The following EPHA5 variants were observed in gnomAD, a reference collection of about 807,000 sequenced individuals.
EPHA5 encodes the protein ephrin type-A receptor 5.
Under a neutral mutation model 105.0 loss-of-function variants are expected in EPHA5, and 60 were observed. The ratio of observed to expected loss-of-function variants is 0.57; its 90% CI spans 0.46 to 0.71. The LOEUF is 0.71. Ranked by LOEUF, EPHA5 falls within the 30% of genes least tolerant of loss-of-function variation. The pLI, the probability that EPHA5 is intolerant of heterozygous loss-of-function variation, is 0.00. For missense variants in EPHA5, 1,218 were observed against 1,274.7 expected (o/e 0.96, Z 0.68); for synonymous variants, 513 against 449.1 (o/e 1.14, Z -1.80).
chr4:65,492,172 T>G (rs1269655830), intron 4 of EPHA5, among the ~76,000 whole-genome samples: 1 of 152,128 alleles, frequency 6.6e-6, no homozygotes, highest in African/African-American at 2.4e-5. Flanking sequence ...GAAAGCTAAT[T>G]GGCATTTAAG....
intron 8 of EPHA5, among the ~76,000 whole-genome samples, chr4:65,378,762 C>T: frequency 6.6e-6 from 1 of 150,646 alleles, no homozygotes; most frequent in East Asian, 2.0e-4. Flanking sequence ...AATGACTGCT[C>T]TTGTTTGCTT....
intron 11 of EPHA5, among the ~76,000 whole-genome samples, chr4:65,360,514 T>C (rs1002564643): frequency 8.6e-5 from 13 of 151,800 alleles, no homozygotes; most frequent in African/African-American, 3.1e-4. Context: ...ATTTAACTTT[T>C]TTAATGTTAA....
At chr4:65,629,526 A>T (rs1746439951) in intron 2 of EPHA5, among the ~76,000 whole-genome samples, 1 of 152,208 alleles carries the variant, frequency 6.6e-6, no homozygotes. Context: ...AGACTTTAGA[A>T]ATATAGTGGA....
Position 65,547,470 on chromosome 4 carries a change from G to C in EPHA5, c.911-51927C>G, listed in dbSNP as rs554321837. Among the ~76,000 whole-genome samples the C allele has an allele frequency of 1.2e-4, 18 of 151,978 alleles. No individual in the cohort carries two copies. In the South Asian group the frequency reaches 2.9e-3, roughly 25 times the overall value. On this transcript the variant is annotated intron_variant, in intron 3 of 16. Transcript: ENST00000613740. ...CTGACATATTTTATGGTCTAAAATA[G>C]TTCATAATCCATGCATTTTTATTTT...
chr4:65,526,179 G>T (rs1391737662), intron 3 of EPHA5, among the ~76,000 whole-genome samples: 1 of 151,740 alleles, frequency 6.6e-6, no homozygotes, highest in Non-Finnish European at 1.5e-5. Flanking sequence ...ATAGTAAAAA[G>T]GGTCACTATT....
chr4:65,419,787 A>G (rs1312728203), intron 6 of EPHA5, among the ~76,000 whole-genome samples: 2 of 152,156 alleles, frequency 1.3e-5, no homozygotes, highest in Non-Finnish European at 2.9e-5. Context: ...TTTCATCAAT[A>G]GCTCACTTGC....
At chr4:65,649,712 A>T (rs1748427601) in intron 1 of EPHA5, among the ~76,000 whole-genome samples, 1 of 152,080 alleles carries the variant, frequency 6.6e-6, no homozygotes, top group Admixed American at 6.6e-5. Context: ...AATCCCCATT[A>T]TTCTATTAAA....
chr4:65,566,307 G>A (rs1739528408), intron 3 of EPHA5, among the ~76,000 whole-genome samples: 2 of 151,760 alleles, frequency 1.3e-5, no homozygotes, highest in South Asian at 4.1e-4. Context: ...TCTGGTAGAT[G>A]TGTATAGATA....
intron 5 of EPHA5, among the ~76,000 whole-genome samples, chr4:65,445,533 T>C (rs1726436939): frequency 6.6e-6 from 1 of 152,074 alleles, no homozygotes; most frequent in Non-Finnish European, 1.5e-5. Context: ...GTGAGCATTA[T>C]AAAGAAAATT....
At chr4:65,472,680 G>A (rs1446645099) in intron 5 of EPHA5, among the ~76,000 whole-genome samples, 1 of 152,162 alleles carries the variant, frequency 6.6e-6, no homozygotes, top group Non-Finnish European at 1.5e-5. Flanking sequence ...GAGCAGCTGG[G>A]ACATAGGACA....
At chr4:65,396,487 C>T (rs895439307) in intron 8 of EPHA5, among the ~76,000 whole-genome samples, 1 of 152,164 alleles carries the variant, frequency 6.6e-6, no homozygotes, top group African/African-American at 2.4e-5. Flanking sequence ...ACCTTTGTAT[C>T]TCATATAGTT....
chr4:65,383,429 C>A (rs1719769281), intron 8 of EPHA5, among the ~76,000 whole-genome samples: 1 of 151,708 alleles, frequency 6.6e-6, no homozygotes, highest in African/African-American at 2.4e-5. Context: ...TCTTGAAGAA[C>A]AAAATCACAA....
chr4:65,581,569 T>C (rs1215598666), intron 3 of EPHA5, among the ~76,000 whole-genome samples: 3 of 151,772 alleles, frequency 2.0e-5, no homozygotes, highest in Non-Finnish European at 4.4e-5. Flanking sequence ...CTAATGTTTT[T>C]TCACTTGACA....
intron 16 of EPHA5, 129 bp from the exon 17 acceptor site, chr4:65,324,348 G>A: frequency 1.8e-6 from 1 of 566,638 alleles, no homozygotes; most frequent in South Asian, 2.4e-5. Context: ...GACATACAGA[G>A]TCTAGTTTTT....
In EPHA5 at chr4:65,645,687, T is replaced by C. The variant is rs112044316; in HGVS notation, c.182-2260A>G. On this transcript the variant is annotated intron_variant, in intron 1 of 16. Transcript: ENST00000613740. The stretch of plus-strand genomic sequence containing the variant: ...TACCTCAAAAAACTAGCTTGGCTGT[T>C]AATATAATTTATTGAGTGTTCTCAA... 3.4e-4 allele frequency among the ~76,000 whole-genome samples: 51 copies of C among 152,198 alleles called. 2 individuals carry two copies. Among genetic ancestry groups the C allele is most frequent in the African/African-American group, 1.2e-3 (49 of 41,538 alleles).
rs748934698 is a variant in EPHA5 at position 65,669,681 on chromosome 4, G to A, written c.62C>T (p.Thr21Ile). 7.5e-7 allele frequency: 1 copy of A among 1,327,708 alleles called. No individual in the cohort carries two copies. The highest frequency in any genetic ancestry group is 2.3e-5 in the South Asian group (1 of 44,018). 82.2% of individuals were successfully genotyped at this position (1,327,708 alleles called of 1,614,324 possible). The change falls in exon 1 of 17, where the codon ACC becomes ATC. Residue 21 changes from threonine (T) to isoleucine (I), a missense_variant. Thr to Ile is a moderately conservative substitution (Grantham distance 89). This residue lies in a region of EPHA5 where 233 missense variants were observed against 227.5 expected (regional missense o/e 1.02). Coordinates refer to ENST00000613740, the MANE Select transcript of EPHA5 (RefSeq NM_001281766.3). ...GGCCAGGGACGCTGGGGTGATGGGG[G>A]TGTCGCCGCCGCCGCTTGGGGGCCG... The part of the protein sequence containing the change: ...RRRPPSGGGD[T>I]PITPASLAGC...
chr4:65,342,105 G>A (rs1721785310), intron 14 of EPHA5, among the ~76,000 whole-genome samples: 1 of 151,964 alleles, frequency 6.6e-6, no homozygotes, highest in African/African-American at 2.4e-5. Flanking sequence ...TATAATCATT[G>A]AAACTGACCA....
rs1424484338 is a variant in EPHA5, at chr4:65,490,638, C to A, written c.1141G>T (p.Ala381Ser). ...TSVFLEWIPP[A>S]DTGGRKDVSY... ...ACGTCTTTCCTTCCACCAGTGTCAGCAGGCGGAATCCATTCCAGAAAGACA... is the reference window on the plus strand; with the variant it reads ...ACGTCTTTCCTTCCACCAGTGTCAGAAGGCGGAATCCATTCCAGAAAGACA... Residue 381 changes from alanine (A) to serine (S), a missense_variant, in exon 5 of 17, where the codon GCT becomes TCT. Ala to Ser is a moderately conservative substitution (Grantham distance 99, BLOSUM62 1). This residue lies in a region of EPHA5 where 971 missense variants were observed against 1,013.5 expected (regional missense o/e 0.96). Coordinates refer to ENST00000613740, the MANE Select transcript of EPHA5 (RefSeq NM_001281766.3). 1.9e-6 allele frequency: 3 copies of A among 1,613,978 alleles called. No homozygotes were observed. Among genetic ancestry groups the A allele is most frequent in the African/African-American group, 2.7e-5 (2 of 74,894 alleles).
At chr4:65,406,416 TCTC>T (rs1722360497) in intron 7 of EPHA5, among the ~76,000 whole-genome samples, 2 of 151,908 alleles carry the variant, frequency 1.3e-5, no homozygotes, top group Non-Finnish European at 1.5e-5. Flanking sequence ...AACTTGAAAC[TCTC>T]CTCCTCTTGG....
Sources: gnomAD v4.1 joint callset for allele counts (sites outside exome capture counted in the v4.1 genomes callset) on GRCh38, gnomAD v4.1.1 for gene constraint, gnomAD v4.1.1 regional missense constraint, MANE v1.5 for transcripts, NCBI Gene and HGNC (gene_info 2026-07-23, HGNC 2026-07-21) for gene names.